The following LINGO2 variants were observed in gnomAD, a reference collection of about 807,000 sequenced individuals.
LINGO2 encodes the protein leucine-rich repeat and immunoglobulin-like domain-containing nogo receptor-interacting protein 2.
Under a neutral mutation model 30.6 loss-of-function variants are expected in LINGO2, and 14 were observed. The observed-to-expected ratio is 0.46, with a 90% CI of 0.30 to 0.72. LINGO2 has a LOEUF of 0.72. Ranked by LOEUF, LINGO2 falls within the 30% of genes least tolerant of loss-of-function variation. The pLI is 0.07. For missense variants in LINGO2, 729 were observed against 751.7 expected (o/e 0.97, Z 0.35); for synonymous variants, 317 against 288.5 (o/e 1.10, Z -1.00).
intron 4 of LINGO2, among the ~76,000 whole-genome samples, chr9:28,088,463 C>G (rs945804962): frequency 6.6e-6 from 1 of 152,024 alleles, no homozygotes; most frequent in Admixed American, 6.6e-5. Context: ...TAGTAATCTG[C>G]ATTCCATCTG....
the LINGO2 span, among the ~76,000 whole-genome samples, chr9:29,071,694 T>C: frequency 6.6e-6 from 1 of 151,656 alleles, no homozygotes; most frequent in Non-Finnish European, 1.5e-5. Flanking sequence ...TTTTACAGTT[T>C]TGCAAAGGAG....
chr9:28,086,013 T>G (rs1359085079), intron 4 of LINGO2, among the ~76,000 whole-genome samples: 1 of 152,026 alleles, frequency 6.6e-6, no homozygotes, highest in Non-Finnish European at 1.5e-5. Context: ...ATAAGAGGTG[T>G]GAACAGCTGT....
the LINGO2 span, among the ~76,000 whole-genome samples, chr9:29,015,381 A>G: frequency 6.6e-6 from 1 of 152,196 alleles, no homozygotes; most frequent in Non-Finnish European, 1.5e-5. Context: ...CATTGCTTTT[A>G]CATCAGGAGT....
chr9:28,984,832 A>C, the LINGO2 span, among the ~76,000 whole-genome samples: 2 of 152,142 alleles, frequency 1.3e-5, no homozygotes, highest in African/African-American at 4.8e-5. Flanking sequence ...ACTAATTTAC[A>C]TACCCATCAC....
At chr9:28,811,156 C>G in the LINGO2 span, among the ~76,000 whole-genome samples, 2 of 152,074 alleles carry the variant, frequency 1.3e-5, no homozygotes, top group African/African-American at 4.8e-5. Context: ...CTCATTATCT[C>G]AATCCAATAA....
intron 2 of LINGO2, among the ~76,000 whole-genome samples, chr9:28,422,617 T>C (rs143639392): frequency 0.015 from 2,346 of 152,100 alleles, 35 homozygotes; most frequent in Non-Finnish European, 0.022. Flanking sequence ...ATATTATGGG[T>C]CCACAAAAAC....
At chr9:27,941,055 A>G in the LINGO2 span, 1 of 103,186 alleles carries the variant, frequency 9.7e-6, no homozygotes, top group Non-Finnish European at 2.4e-5. Flanking sequence ...CCACTGTTAG[A>G]GATGTGACTC....
chr9:28,790,624 A>G, the LINGO2 span, among the ~76,000 whole-genome samples: 1,007 of 151,666 alleles, frequency 6.6e-3, 7 homozygotes, highest in Non-Finnish European at 0.011. Flanking sequence ...GTGAGCCACC[A>G]CGCCTGGCCT....
chr9:27,944,066 T>G (rs1823272366), downstream of LINGO2: 1 of 152,148 alleles, frequency 6.6e-6, no homozygotes, highest in Non-Finnish European at 1.5e-5. Context: ...AACATCTTAA[T>G]TATGTATTTT....
At chr9:28,907,927 C>T in the LINGO2 span, among the ~76,000 whole-genome samples, 1 of 151,058 alleles carries the variant, frequency 6.6e-6, no homozygotes. Flanking sequence ...CAACTACAGG[C>T]AAGGGATAAA....
intron 1 of LINGO2, among the ~76,000 whole-genome samples, chr9:28,492,549 T>A (rs369109009): frequency 1.5e-4 from 23 of 152,328 alleles, no homozygotes; most frequent in Middle Eastern, 3.4e-3. Flanking sequence ...ATGTTGGTTG[T>A]TTTTGTTAAA....
chr9:28,489,589 G>C (rs1826306098), intron 1 of LINGO2, among the ~76,000 whole-genome samples: 1 of 152,064 alleles, frequency 6.6e-6, no homozygotes. Flanking sequence ...TTAGCCACCT[G>C]CTAAAGCTGA....
intron 4 of LINGO2, among the ~76,000 whole-genome samples, chr9:28,037,099 C>A (rs969498550): frequency 6.6e-6 from 1 of 152,154 alleles, no homozygotes; most frequent in Non-Finnish European, 1.5e-5. Context: ...GATCCGAGTT[C>A]AAGCAGTCAA....
chr9:28,044,966 A>AAC (rs1289775893), intron 4 of LINGO2, among the ~76,000 whole-genome samples: 14 of 152,110 alleles, frequency 9.2e-5, no homozygotes, highest in Non-Finnish European at 1.6e-4. Context: ...ACGAGCAGAA[A>AAC]ACAGTTTTCC....
intron 2 of LINGO2, among the ~76,000 whole-genome samples, chr9:28,408,710 G>A (rs1822615152): frequency 6.7e-6 from 1 of 149,128 alleles, no homozygotes; most frequent in African/African-American, 2.5e-5. Flanking sequence ...CATGGTACAT[G>A]TATACATATG....
At chr9:29,150,894 A>C in the LINGO2 span, among the ~76,000 whole-genome samples, 56 of 152,142 alleles carry the variant, frequency 3.7e-4, no homozygotes, top group African/African-American at 1.3e-3. Context: ...CATTCAGTAA[A>C]TTCTGAGAAT....
the LINGO2 span, among the ~76,000 whole-genome samples, chr9:28,698,789 C>G: frequency 6.6e-6 from 1 of 151,982 alleles, no homozygotes; most frequent in Non-Finnish European, 1.5e-5. Context: ...TACCAGTCAT[C>G]TAAACACTTT....
chr9:28,199,629 C>T (rs978713300), intron 4 of LINGO2, among the ~76,000 whole-genome samples: 6 of 152,144 alleles, frequency 3.9e-5, no homozygotes, highest in Non-Finnish European at 5.9e-5. Context: ...TGAGCCACTG[C>T]GCCTGGCCCC....
At chr9:29,011,757 T>G in the LINGO2 span, among the ~76,000 whole-genome samples, 8 of 152,300 alleles carry the variant, frequency 5.3e-5, no homozygotes, top group African/African-American at 1.7e-4. Context: ...TTTCCTTCAG[T>G]ATTTTACTAG....
Sources: gnomAD v4.1 joint callset for allele counts (sites outside exome capture counted in the v4.1 genomes callset) on GRCh38, gnomAD v4.1.1 for gene constraint, MANE v1.5 for transcripts, NCBI Gene and HGNC (gene_info 2026-07-23, HGNC 2026-07-21) for gene names.